Variants in TSPAN16 observed in about 807,000 individuals in gnomAD.
TSPAN16 encodes tetraspanin 16, also known as tetraspanin-16.
A neutral mutation model predicts 25.2 loss-of-function variants in TSPAN16; 23 were observed. The ratio of observed to expected loss-of-function variants is 0.91; its 90% CI spans 0.66 to 1.29. The LOEUF (loss-of-function observed/expected upper bound fraction) is 1.29. Ranked by LOEUF, TSPAN16 falls within the 50% of genes most tolerant of loss-of-function variation. The pLI is 0.00. For missense variants in TSPAN16, 272 were observed against 299.9 expected (o/e 0.91, Z 0.69); for synonymous variants, 123 against 124.4 (o/e 0.99, Z 0.08).
downstream of TSPAN16, among the ~76,000 whole-genome samples, chr19:11,318,168 A>AG (rs2080758550): frequency 6.6e-6 from 1 of 152,108 alleles, no homozygotes; most frequent in South Asian, 2.1e-4. Flanking sequence ...CTGGGACTAC[A>AG]GGCACCCGCT....
At chr19:11,311,633 G>A (rs1292185464) in intron 5 of TSPAN16, among the ~76,000 whole-genome samples, 1 of 151,920 alleles carries the variant, frequency 6.6e-6, no homozygotes, top group Non-Finnish European at 1.5e-5. Flanking sequence ...ATGTTACCCA[G>A]ACTGGTCTTG....
intron 6 of TSPAN16, chr19:11,325,311 A>G (rs2080805238): frequency 1.2e-6 from 1 of 828,848 alleles, no homozygotes; most frequent in Admixed American, 2.4e-5. Context: ...GATTGCCCTG[A>G]GCTTGGAGAT....
Position 11,298,263 on chromosome 19 carries a change from TG to T in TSPAN16, c.194del (p.Gly65AspfsTer61). The T allele has an allele frequency of 6.2e-7, 1 of 1,614,142 alleles. No homozygotes were observed. Among genetic ancestry groups the T allele is most frequent in the Non-Finnish European group, 8.5e-7 (1 of 1,180,030 alleles). ...LLHVGNLCLV[M>X]GCITVLLGCA... is the part of the protein sequence containing the mutation. ...CACGTTGGCAACCTGTGCCTGGTGA[TG>T]GGATGCATCACGGTACTGCTTGGCT... On this transcript the variant is annotated frameshift_variant, in exon 2 of 7. Coordinates refer to ENST00000590327, the MANE Select transcript of TSPAN16 (RefSeq NM_001282509.2). LOFTEE classifies it high-confidence loss of function.
chr19:11,307,121 A>AG lies in TSPAN16; in HGVS notation c.603+365_603+366insG, dbSNP rs2080637409. ...CTGTACCCAGCCTTTTTATTTATTT[A>AG]TTTAGTTAGTTATTTTGAGATGGAG... On this transcript the variant is annotated intron_variant, in intron 5 of 6. Transcript: ENST00000590327. Among the ~76,000 whole-genome samples, 28 of 138,654 alleles carry AG rather than the reference A, an allele frequency of 2.0e-4. No individual in the cohort carries two copies. In the South Asian group the frequency reaches 5.4e-3, roughly 27 times the overall value. The allele number at this position is 138,654 out of a possible 152,430, so 91.0% of individuals were successfully genotyped here.
chr19:11,322,559 C>T (rs144879292), intron 6 of TSPAN16: 4 of 152,186 alleles, frequency 2.6e-5, no homozygotes, highest in African/African-American at 7.2e-5. Flanking sequence ...AACAAACCTC[C>T]GTTTCCCTGA....
chr19:11,322,501 T>A (rs1339880248), intron 6 of TSPAN16: 2 of 152,174 alleles, frequency 1.3e-5, no homozygotes, highest in Non-Finnish European at 2.9e-5. Context: ...CCCCTGGAGC[T>A]GGAGAGGGGT....
intron 3 of TSPAN16, chr19:11,300,972 G>A (rs2080539365): frequency 2.0e-6 from 1 of 501,432 alleles, no homozygotes. Context: ...GGTACAGAGA[G>A]ATACGCTTGG....
chr19:11,298,155 T>A lies in TSPAN16; in HGVS notation c.83T>A (p.Ile28Asn). Residue 28 changes from isoleucine to asparagine, a missense_variant, in exon 2 of 7, where the codon ATC becomes AAC. Coordinates refer to ENST00000590327, the MANE Select transcript of TSPAN16 (RefSeq NM_001282509.2). The part of the protein sequence containing the change: ...LNGFVAVSGI[I>N]LVGLGIGGKC... ...TCTGTTCTAAAGGTGTCTGGCATCA[T>A]CCTAGTTGGCCTGGGCATTGGTGGT... 6.2e-7 allele frequency: 1 copy of A among 1,614,186 alleles called. No homozygotes were observed. The highest frequency in any genetic ancestry group is 8.5e-7 in the Non-Finnish European group (1 of 1,180,028).
chr19:11,305,944 T>C (rs983911373), intron 4 of TSPAN16, among the ~76,000 whole-genome samples: 5 of 151,834 alleles, frequency 3.3e-5, no homozygotes, highest in Non-Finnish European at 5.9e-5. Context: ...TAACTAAACA[T>C]TGGTATCAGG....
intron 6 of TSPAN16, among the ~76,000 whole-genome samples, chr19:11,326,250 G>A (rs988456159): frequency 7.3e-5 from 11 of 151,724 alleles, no homozygotes; most frequent in African/African-American, 1.7e-4. Context: ...GCATGGTGGC[G>A]TTCACCTGCA....
At chr19:11,325,292 G>A (rs2080805107) in intron 6 of TSPAN16, 2 of 716,346 alleles carry the variant, frequency 2.8e-6, no homozygotes. Flanking sequence ...CAGTTGACAG[G>A]AGGGAAGGGA....
intron 6 of TSPAN16, among the ~76,000 whole-genome samples, chr19:11,321,123 G>C (rs182694695): frequency 6.6e-6 from 1 of 151,338 alleles, no homozygotes; most frequent in Non-Finnish European, 1.5e-5. Context: ...GAGCCAAGAT[G>C]GCACCACTGC....
At chr19:11,306,192 T>A (rs1158858082) in intron 4 of TSPAN16, among the ~76,000 whole-genome samples, 1 of 151,176 alleles carries the variant, frequency 6.6e-6, no homozygotes, top group East Asian at 2.0e-4. Context: ...CACTGAGGAG[T>A]TCAGCTTTTT....
chr19:11,315,845 G>A lies in TSPAN16; in HGVS notation c.*7G>A, dbSNP rs942992599. ...GTTTATCAAGCTGGGCTGACACCCA[G>A]GCCTGGAGAAGATGAGACACCTGGG... On this transcript the variant is annotated 3_prime_UTR_variant, in exon 7 of 7. Transcript: ENST00000590327. 1 of 1,231,788 alleles carries A rather than the reference G, an allele frequency of 8.1e-7. No individual in the cohort carries two copies. The highest frequency in any genetic ancestry group is 1.6e-5 in the African/African-American group (1 of 64,364). 76.3% of individuals were successfully genotyped at this position (1,231,788 alleles called of 1,614,324 possible).
intron 4 of TSPAN16, among the ~76,000 whole-genome samples, chr19:11,306,249 A>G (rs1309342410): frequency 6.6e-6 from 1 of 151,986 alleles, no homozygotes; most frequent in African/African-American, 2.4e-5. Context: ...GGTGGAATGT[A>G]GTGGTGAGGT....
intron 4 of TSPAN16, among the ~76,000 whole-genome samples, chr19:11,303,012 A>C (rs1469282578): frequency 6.7e-6 from 1 of 150,256 alleles, no homozygotes; most frequent in Non-Finnish European, 1.5e-5. Flanking sequence ...CCTACTGGGA[A>C]GTGAGGAGCC....
intron 1 of TSPAN16, among the ~76,000 whole-genome samples, chr19:11,297,448 A>AG (rs2080490507): frequency 1.3e-5 from 2 of 150,544 alleles, no homozygotes; most frequent in South Asian, 4.1e-4. Flanking sequence ...TGGGTTTTTC[A>AG]GAAAAAAAAA....
At chr19:11,310,938 A>G (rs935180742) in intron 5 of TSPAN16, among the ~76,000 whole-genome samples, 3 of 152,094 alleles carry the variant, frequency 2.0e-5, no homozygotes, top group Admixed American at 6.6e-5. Flanking sequence ...CCTAGGCTCA[A>G]ATGATCCTCC....
downstream of TSPAN16, among the ~76,000 whole-genome samples, chr19:11,320,180 G>A (rs2080770129): frequency 6.9e-6 from 1 of 145,282 alleles, no homozygotes; most frequent in Non-Finnish European, 1.5e-5. Flanking sequence ...GGAGTGCAAT[G>A]GCACGATCTC....
Sources: allele counts gnomAD v4.1 joint callset (sites outside exome capture counted in the v4.1 genomes callset), GRCh38; gene constraint gnomAD v4.1.1; transcripts MANE v1.5; gene names NCBI Gene and HGNC (gene_info 2026-07-23, HGNC 2026-07-21).